The following PTPRT variants were observed in gnomAD, a reference collection of about 807,000 sequenced individuals.
PTPRT encodes the protein protein tyrosine phosphatase receptor type T.
A neutral mutation model predicts 176.8 loss-of-function variants in PTPRT; 56 were observed. That is an observed-to-expected ratio of 0.32 (90% CI 0.26 to 0.40). The LOEUF (loss-of-function observed/expected upper bound fraction) is 0.40, where lower values mean the gene tolerates loss of function less well. Among genes scored for constraint, PTPRT ranks in the 10% least tolerant of loss-of-function variants. The pLI is 1.00. For synonymous variants in PTPRT, 783 were observed against 739.0 expected, an observed-to-expected ratio of 1.06 and a Z score of -0.96; for missense variants, 1,540 against 1,908.2, an observed-to-expected ratio of 0.81 and a Z score of 3.60.
chr20:42,321,493 C>T (rs1001746552), intron 11 of PTPRT, among the ~76,000 whole-genome samples: 2 of 152,204 alleles, frequency 1.3e-5, no homozygotes, highest in Non-Finnish European at 2.9e-5. Context: ...GGGCATTCCC[C>T]TCCAGTATTC....
chr20:42,911,980 T>TC (rs998577747), intron 1 of PTPRT, among the ~76,000 whole-genome samples: 21 of 150,250 alleles, frequency 1.4e-4, no homozygotes, highest in Non-Finnish European at 2.7e-4. Context: ...TCTTTTCTTT[T>TC]TTTTTTTTTT....
At chr20:43,065,796 G>A (rs1296843283) in intron 1 of PTPRT, among the ~76,000 whole-genome samples, 1 of 152,184 alleles carries the variant, frequency 6.6e-6, no homozygotes, top group Non-Finnish European at 1.5e-5. Context: ...ATAGATTCAC[G>A]CTGGTTGAAC....
chr20:42,706,195 GTGTGTGTGTGTGTGTGTGTGTGTA>G (rs1180426268), intron 6 of PTPRT, among the ~76,000 whole-genome samples: 2 of 149,394 alleles, frequency 1.3e-5, no homozygotes. Context: ...GTGTGTGTGT[GTGTGTGTGTGTGTGTGTGTGTGTA>G]TGTGTGTGTG....
intron 6 of PTPRT, among the ~76,000 whole-genome samples, chr20:42,703,104 A>G (rs559009379): frequency 6.6e-6 from 1 of 152,314 alleles, no homozygotes; most frequent in South Asian, 2.1e-4. Flanking sequence ...CCCAACTGCA[A>G]TCATAAATAG....
chr20:42,166,810 A>G (rs577459756), intron 16 of PTPRT, among the ~76,000 whole-genome samples: 3 of 152,222 alleles, frequency 2.0e-5, no homozygotes, highest in Admixed American at 2.0e-4. Context: ...AATCCCAGCT[A>G]CTTGGGAGGC....
At chr20:42,810,363 G>C (rs914830516) in intron 2 of PTPRT, among the ~76,000 whole-genome samples, 1 of 152,068 alleles carries the variant, frequency 6.6e-6, no homozygotes, top group Non-Finnish European at 1.5e-5. Context: ...CTGGATGTTG[G>C]GGTGATTACA....
At chr20:42,894,094 T>G (rs932285491) in intron 1 of PTPRT, among the ~76,000 whole-genome samples, 1 of 150,406 alleles carries the variant, frequency 6.6e-6, no homozygotes, top group Non-Finnish European at 1.5e-5. Flanking sequence ...CAGATGGAGA[T>G]TCTGAATCCG....
At chr20:42,463,609 C>A (rs561792188) in intron 8 of PTPRT, among the ~76,000 whole-genome samples, 19 of 152,226 alleles carry the variant, frequency 1.2e-4, no homozygotes, top group African/African-American at 4.6e-4. Flanking sequence ...TTCCTCCCCT[C>A]CCCTCCTCTC....
intron 12 of PTPRT, among the ~76,000 whole-genome samples, chr20:42,303,423 C>T (rs2057498786): frequency 6.6e-6 from 1 of 152,088 alleles, no homozygotes; most frequent in Non-Finnish European, 1.5e-5. Context: ...GGATTTGGGA[C>T]CCTCCTGGTT....
At chr20:43,070,096 T>A (rs2011160256) in intron 1 of PTPRT, among the ~76,000 whole-genome samples, 1 of 152,262 alleles carries the variant, frequency 6.6e-6, no homozygotes, top group South Asian at 2.1e-4. Flanking sequence ...ATACTTCCTT[T>A]GTGGGTTATT....
rs76517132 is a variant in PTPRT at position 42,277,844 on chromosome 20, A to G, written c.2176+4645T>C. ...TGACATGTAACTTGCATTTGAAAAA[A>G]ATGAAGCCATGGAAGAATAATGACC... On this transcript the variant is annotated intron_variant, in intron 13 of 30. Coordinates refer to ENST00000373187, the MANE Select transcript of PTPRT (RefSeq NM_007050.6). 2.8e-3 allele frequency among the ~76,000 whole-genome samples: 417 copies of G among 151,608 alleles called. 2 individuals are homozygous for G. Among genetic ancestry groups the G allele is most frequent in the African/African-American group, 9.6e-3 (396 of 41,322 alleles).
chr20:43,049,347 A>G (rs145462043), intron 1 of PTPRT, among the ~76,000 whole-genome samples: 1 of 150,434 alleles, frequency 6.6e-6, no homozygotes, highest in Non-Finnish European at 1.5e-5. Flanking sequence ...ATACATACAT[A>G]CATACATGCA....
chr20:42,661,773 G>T (rs2075226992), intron 7 of PTPRT, among the ~76,000 whole-genome samples: 1 of 152,210 alleles, frequency 6.6e-6, no homozygotes, highest in Non-Finnish European at 1.5e-5. Context: ...CAAGCCAATA[G>T]TGGGTGGGAT....
At position 42,246,477 on chromosome 20, in the gene PTPRT, G is replaced by A. The variant is rs181288319; in HGVS notation, c.2312+2210C>T. 7.7e-4 allele frequency among the ~76,000 whole-genome samples: 118 copies of A among 152,276 alleles called. 1 individual carries two copies. The highest frequency in any genetic ancestry group is 3.4e-3 in the Middle Eastern group (1 of 294). On this transcript the variant is annotated intron_variant, in intron 14 of 30. Transcript: ENST00000373187. ...AAATGGTGATCATGTGATGCCTGTT[G>A]ATTGGGTCTGATGGACAGTTTTGAT...
chr20:42,883,670 C>G (rs1195416593), intron 2 of PTPRT, among the ~76,000 whole-genome samples: 1 of 5,166 alleles, frequency 1.9e-4, no homozygotes, highest in Non-Finnish European at 5.2e-4. Flanking sequence ...CACACCCATA[C>G]AAACACACGG....
intron 1 of PTPRT, among the ~76,000 whole-genome samples, chr20:43,110,883 C>T (rs1347454575): frequency 1.3e-5 from 2 of 152,112 alleles, no homozygotes; most frequent in African/African-American, 2.4e-5. Context: ...TTCTGACCTC[C>T]ACTCTTATGC....
intron 1 of PTPRT, among the ~76,000 whole-genome samples, chr20:43,135,820 C>A (rs972161550): frequency 3.3e-5 from 5 of 152,192 alleles, no homozygotes; most frequent in Non-Finnish European, 5.9e-5. Flanking sequence ...GGGCTTTCGT[C>A]TTTCCTGATT....
rs6093616 is a variant in PTPRT, at chr20:42,321,973, G to A, written c.1866-5977C>T. 4.1e-3 allele frequency among the ~76,000 whole-genome samples: 630 copies of A among 152,176 alleles called. 6 individuals carry two copies. The highest frequency in any genetic ancestry group is 0.014 in the African/African-American group (585 of 41,524). ...CTGTAGTCCCAGCTTCTTAGGAGGC[G>A]GAGGCAGGAGAATGCCGTGAACCCG... On this transcript the variant is annotated intron_variant, in intron 11 of 30. Transcript: ENST00000373187.
intron 18 of PTPRT, among the ~76,000 whole-genome samples, chr20:42,141,452 C>G (rs537962649): frequency 6.6e-6 from 1 of 152,224 alleles, no homozygotes; most frequent in Non-Finnish European, 1.5e-5. Flanking sequence ...CCTAGCCCCT[C>G]CCTCACAGGC....
Sources: gnomAD v4.1 joint callset for allele counts (sites outside exome capture counted in the v4.1 genomes callset) on GRCh38, gnomAD v4.1.1 for gene constraint, MANE v1.5 for transcripts, NCBI Gene and HGNC (gene_info 2026-07-23, HGNC 2026-07-21) for gene names.